Variants in MAOB observed in about 807,000 individuals in gnomAD.
MAOB encodes the protein amine oxidase [flavin-containing] B.
MAOB carries 15 observed loss-of-function variants against 41.9 expected under a neutral mutation model. That is an observed-to-expected ratio of 0.36 (90% CI 0.24 to 0.55). The LOEUF (loss-of-function observed/expected upper bound fraction) is 0.55. Ranked by LOEUF, MAOB falls within the 20% of genes least tolerant of loss-of-function variation. MAOB has a pLI of 0.86. For missense variants in MAOB, 345 were observed against 398.7 expected (o/e 0.87, Z 1.15); for synonymous variants, 167 against 144.2 (o/e 1.16, Z -1.13).
At chrX:43,799,207 CT>C (rs2034564684) in intron 5 of MAOB, among the ~76,000 whole-genome samples, 1 of 112,267 alleles carries the variant, frequency 8.9e-6, no homozygotes, top group African/African-American at 3.2e-5. Context: ...ATTAAAGCGA[CT>C]TACAGTTAGT....
intron 3 of MAOB, among the ~76,000 whole-genome samples, chrX:43,817,022 T>A (rs1330950859): frequency 2.7e-5 from 3 of 111,527 alleles, no homozygotes; most frequent in Admixed American, 1.9e-4. Flanking sequence ...GTGTAGGATT[T>A]CTTCCTCCCA....
At position 43,879,181 on chromosome X, in the gene MAOB, C is replaced by A. The variant is rs2283731; in HGVS notation, c.46+3073G>T. ...CCCTTGGGTAAAAGAGATTTCAGTG[C>A]ATACTCATTTATACACCATACACAT... On this transcript the variant is annotated intron_variant, in intron 1 of 14. Transcript: ENST00000378069. Among the ~76,000 whole-genome samples the A allele has an allele frequency of 0.013, 1,506 of 111,705 alleles. 41 individuals are homozygous for A. The South Asian group carries it at 0.16, about 12-fold the overall frequency.
chrX:43,876,469 G>GA (rs759328738), intron 1 of MAOB, among the ~76,000 whole-genome samples: 4 of 110,774 alleles, frequency 3.6e-5, no homozygotes, highest in South Asian at 7.7e-4. Flanking sequence ...ACAGAAAATG[G>GA]AAAAAAATGA....
intron 1 of MAOB, chrX:43,850,355 C>A: frequency 4.0e-6 from 3 of 747,932 alleles, no homozygotes; most frequent in Non-Finnish European, 4.7e-6. Flanking sequence ...ATGTCCAAAG[C>A]CTTGGGACTG....
At chrX:43,879,826 C>T (rs2035462350) in intron 1 of MAOB, among the ~76,000 whole-genome samples, 1 of 112,259 alleles carries the variant, frequency 8.9e-6, no homozygotes, top group African/African-American at 3.2e-5. Flanking sequence ...CCTCTGGCAA[C>T]TCTCCGCAAT....
Position 43,802,283 on chromosome X carries a change from C to T in MAOB, c.385-20G>A, listed in dbSNP as rs369078500. The T allele has an allele frequency of 7.9e-5, 81 of 1,027,919 alleles. No individual in the cohort carries two copies. The highest frequency in any genetic ancestry group is 3.2e-4 in the African/African-American group (17 of 53,553). 84.7% of individuals were successfully genotyped at this position (1,027,919 alleles called of 1,213,427 possible). ...CGGAATCTACATTCAGATGAGGATT[C>T]GAAGGAGAAAGACAAATGTAATTTT... On this transcript the variant is annotated intron_variant, in intron 4 of 14. Transcript: ENST00000378069.
intron 3 of MAOB, among the ~76,000 whole-genome samples, chrX:43,838,251 GC>G (rs199642444): frequency 0.014 from 1,604 of 111,406 alleles, 27 homozygotes; most frequent in African/African-American, 0.049. Context: ...AGAGTCACAG[GC>G]CGTGAGATGT....
intron 2 of MAOB, among the ~76,000 whole-genome samples, chrX:43,842,039 A>G (rs1468400250): frequency 3.6e-5 from 4 of 112,094 alleles, no homozygotes; most frequent in Non-Finnish European, 7.5e-5. Context: ...TGGCCCTGAA[A>G]GATCAGGAAA....
intron 14 of MAOB, among the ~76,000 whole-genome samples, chrX:43,767,957 T>A (rs1269351278): frequency 8.9e-6 from 1 of 112,396 alleles, no homozygotes; most frequent in Admixed American, 9.5e-5. Context: ...TTTGCCACAA[T>A]GGCTGATACA....
chrX:43,857,165 AAGAAGAG>A (rs2035303131), intron 1 of MAOB, among the ~76,000 whole-genome samples: 5 of 35,470 alleles, frequency 1.4e-4, no homozygotes, highest in Non-Finnish European at 1.9e-4. Context: ...AGAGAGAGAG[AAGAAGAG>A]AGAGAGAGAG....
intron 12 of MAOB, among the ~76,000 whole-genome samples, chrX:43,773,475 T>C (rs1040230207): frequency 8.9e-6 from 1 of 112,866 alleles, no homozygotes; most frequent in East Asian, 2.8e-4. Flanking sequence ...GGTATTGAAG[T>C]TCTCAGCACA....
chrX:43,827,511 G>A (rs2034963475), intron 3 of MAOB, among the ~76,000 whole-genome samples: 1 of 111,576 alleles, frequency 9.0e-6, no homozygotes, highest in Non-Finnish European at 1.9e-5. Flanking sequence ...TGTAACTCAA[G>A]GTTTCAAAAG....
At position 43,778,791 on chromosome X, in the gene MAOB, A is replaced by G. The variant is rs5952294; in HGVS notation, c.1080-52T>C. 6,214 of 1,001,732 alleles carry G rather than the reference A, an allele frequency of 6.2e-3. 246 individuals carry two copies. In the African/African-American group the frequency reaches 0.1, roughly 17 times the overall value. The allele number at this position is 1,001,732 out of a possible 1,213,427, so 82.6% of individuals were successfully genotyped here. On this transcript the variant is annotated intron_variant, in intron 10 of 14. Coordinates refer to ENST00000378069, the MANE Select transcript of MAOB (RefSeq NM_000898.5). ...AAATAAAGGAAAGAAGGGAGGGAAA[A>G]AAAAAGTGGGAAAGAGGCATTTATC...
At chrX:43,780,716 C>T (rs751949627) in intron 9 of MAOB, among the ~76,000 whole-genome samples, 15 of 111,600 alleles carry the variant, frequency 1.3e-4, no homozygotes, top group South Asian at 3.8e-4. Flanking sequence ...CCTCAGATGC[C>T]CACTTAAGGC....
chrX:43,821,006 C>T (rs918439186), intron 3 of MAOB, among the ~76,000 whole-genome samples: 44 of 111,914 alleles, frequency 3.9e-4, no homozygotes, highest in African/African-American at 1.4e-3. Context: ...TAATACCTAC[C>T]TCCAGGGCTG....
chrX:43,843,401 ACACACACAGAGG>A (rs2035163318), intron 2 of MAOB, among the ~76,000 whole-genome samples: 2 of 107,584 alleles, frequency 1.9e-5, no homozygotes, highest in Non-Finnish European at 3.8e-5. Context: ...ACACACACAC[ACACACACAGAGG>A]CACACACATA....
chrX:43,769,070 T>C (rs182785125), intron 13 of MAOB, among the ~76,000 whole-genome samples: 4 of 112,082 alleles, frequency 3.6e-5, no homozygotes, highest in Admixed American at 2.8e-4. Flanking sequence ...TCAAGTATAG[T>C]CAGGTTGATC....
Position 43,882,437 on chromosome X carries a change from C to A in MAOB, c.-138G>T, listed in dbSNP as rs867572138. 9 of 1,016,586 alleles carry A rather than the reference C, an allele frequency of 8.9e-6. No individual in the cohort carries two copies. The highest frequency in any genetic ancestry group is 2.0e-5 in the African/African-American group (1 of 50,259). 83.8% of individuals were successfully genotyped at this position (1,016,586 alleles called of 1,213,427 possible). On this transcript the variant is annotated 5_prime_UTR_variant, in exon 1 of 15. Transcript: ENST00000378069. ...CTGCCCCCGTGCACCAGCGCCTCGG[C>A]GAGCCGCTATATTACCAGCCCCGGG... is the stretch of plus-strand genomic sequence containing the variant.
intron 14 of MAOB, among the ~76,000 whole-genome samples, chrX:43,768,361 C>T (rs1268477461): frequency 2.7e-5 from 3 of 111,802 alleles, no homozygotes; most frequent in African/African-American, 9.8e-5. Flanking sequence ...ATTTATTTGA[C>T]AGGCATTTAT....
Sources: allele counts gnomAD v4.1 joint callset (sites outside exome capture counted in the v4.1 genomes callset), GRCh38; gene constraint gnomAD v4.1.1; transcripts MANE v1.5; gene names NCBI Gene and HGNC (gene_info 2026-07-23, HGNC 2026-07-21).